Variants in HDAC9 observed in about 807,000 individuals in gnomAD.
HDAC9 encodes the protein histone deacetylase 9.
HDAC9 carries 41 observed loss-of-function variants against 139.4 expected under a neutral mutation model. The ratio of observed to expected loss-of-function variants is 0.29; its 90% CI spans 0.23 to 0.38. The LOEUF (loss-of-function observed/expected upper bound fraction) is 0.38. Ranked by LOEUF, HDAC9 falls within the 10% of genes least tolerant of loss-of-function variation. The pLI is 1.00. For missense variants in HDAC9, 1,147 were observed against 1,297.0 expected (o/e 0.88, Z 1.78); for synonymous variants, 517 against 476.2 (o/e 1.09, Z -1.12).
intron 1 of HDAC9, among the ~76,000 whole-genome samples, chr7:18,383,408 G>A (rs1282762409): frequency 3.3e-5 from 5 of 152,172 alleles, no homozygotes; most frequent in Admixed American, 6.5e-5. Context: ...AAGTTGGCAC[G>A]TGGATTAAAA....
chr7:18,176,280 T>G (rs1216725065), intron 2 of HDAC9, among the ~76,000 whole-genome samples: 1 of 152,204 alleles, frequency 6.6e-6, no homozygotes, highest in Admixed American at 6.5e-5. Flanking sequence ...CTCCAGTGCT[T>G]TCTGAAGATC....
intron 6 of HDAC9, among the ~76,000 whole-genome samples, chr7:18,608,320 T>A (rs1324519651): frequency 1.3e-5 from 2 of 152,126 alleles, no homozygotes. Context: ...TTAAGAACCA[T>A]GTTATTATTA....
chr7:18,574,896 G>T (rs2520456), intron 2 of HDAC9, among the ~76,000 whole-genome samples: 35,057 of 152,214 alleles, frequency 0.23, 4,971 homozygotes, highest in Non-Finnish European at 0.31. Context: ...GTCCCCGACT[G>T]TGCGCAGGGA....
chr7:18,594,757 C>T (rs1831995984), intron 6 of HDAC9, among the ~76,000 whole-genome samples: 1 of 151,986 alleles, frequency 6.6e-6, no homozygotes, highest in Non-Finnish European at 1.5e-5. Flanking sequence ...ACTAGATATA[C>T]ATATAAATAG....
At chr7:18,540,135 T>C (rs1167843198) in intron 2 of HDAC9, among the ~76,000 whole-genome samples, 1 of 147,356 alleles carries the variant, frequency 6.8e-6, no homozygotes, top group African/African-American at 2.5e-5. Context: ...TAGCCAGGAA[T>C]TGTGGTGGGT....
chr7:18,463,697 T>A (rs1586086926), intron 1 of HDAC9, among the ~76,000 whole-genome samples: 1 of 151,920 alleles, frequency 6.6e-6, no homozygotes, highest in South Asian at 2.1e-4. Flanking sequence ...TGGTTGCTTA[T>A]TGATTTTGTT....
At chr7:18,360,889 T>G (rs1490220356) in intron 1 of HDAC9, among the ~76,000 whole-genome samples, 1 of 152,198 alleles carries the variant, frequency 6.6e-6, no homozygotes, top group Non-Finnish European at 1.5e-5. Flanking sequence ...GATCAATGGG[T>G]AAATTAATTA....
Position 18,919,736 on chromosome 7 carries a change from CTTG to C in HDAC9, c.2804-16069_2804-16067del, listed in dbSNP as rs1478331714. ...AATAACAATGTATACTATTATTTAT[CTTG>C]TTGATAAGCAAATCAAAATCTGACT... On this transcript the variant is annotated intron_variant, in intron 22 of 25. Coordinates refer to ENST00000686413, the MANE Select transcript of HDAC9 (RefSeq NM_178425.4). 2.0e-5 allele frequency among the ~76,000 whole-genome samples: 3 copies of C among 151,972 alleles called. No individual in the cohort carries two copies. The East Asian group carries it at 5.8e-4, about 29-fold the overall frequency.
rs115977181 is a variant in HDAC9 at position 18,297,902 on chromosome 7, A to C, written c.-42+7387A>C. ...AAAATGTTCTATGCTTTTTAGCCTT[A>C]ATGACGTTCCATCCTGCCTAAGGCC... On this transcript the variant is annotated intron_variant, in intron 1 of 3. Transcript: ENST00000413509. Among the ~76,000 whole-genome samples the C allele has an allele frequency of 6.5e-3, 988 of 152,246 alleles. 11 individuals carry two copies. Among genetic ancestry groups the C allele is most frequent in the African/African-American group, 0.022 (929 of 41,544 alleles).
At chr7:18,949,153 C>T in intron 23 of HDAC9, 1 of 272,162 alleles carries the variant, frequency 3.7e-6, no homozygotes, top group Non-Finnish European at 7.1e-6. Flanking sequence ...GAGTCTTTTT[C>T]AGTCTGGTTT....
chr7:18,563,701 C>T (rs533464024), intron 2 of HDAC9, among the ~76,000 whole-genome samples: 66 of 151,348 alleles, frequency 4.4e-4, no homozygotes, highest in African/African-American at 1.6e-3. Flanking sequence ...GTTTTCTTGC[C>T]ATCAATTCCC....
intron 21 of HDAC9, among the ~76,000 whole-genome samples, chr7:18,844,326 A>G (rs1796775830): frequency 6.6e-6 from 1 of 152,156 alleles, no homozygotes; most frequent in Non-Finnish European, 1.5e-5. Flanking sequence ...ACTTACCAAA[A>G]TGGCATTTGT....
At chr7:18,453,923 G>T (rs1218459887) in intron 1 of HDAC9, among the ~76,000 whole-genome samples, 3 of 152,018 alleles carry the variant, frequency 2.0e-5, no homozygotes, top group South Asian at 4.1e-4. Context: ...TGAATAAATG[G>T]GGAAATTGTT....
chr7:18,228,547 C>G (rs1327430080), intron 2 of HDAC9, among the ~76,000 whole-genome samples: 1 of 152,140 alleles, frequency 6.6e-6, no homozygotes, highest in African/African-American at 2.4e-5. Flanking sequence ...GTCTAGAAAG[C>G]TCATCCAGGC....
In HDAC9 at chr7:18,732,763, A is replaced by T. The variant is rs185328429; in HGVS notation, c.1909+5006A>T. 7.4e-3 allele frequency among the ~76,000 whole-genome samples: 515 copies of T among 69,966 alleles called. 71 individuals are homozygous for T. Among genetic ancestry groups the T allele is most frequent in the East Asian group, 0.015 (22 of 1,476 alleles). 45.9% of individuals were successfully genotyped at this position (69,966 alleles called of 152,430 possible). A position where few individuals can be genotyped will look rare whatever the true frequency, so the allele number is the denominator to read the frequency against. On this transcript the variant is annotated intron_variant, in intron 13 of 25. Transcript: ENST00000686413. The stretch of plus-strand genomic sequence containing the variant: ...TGTGCGTATGTGTACACACACGTGT[A>T]TGTGTGCGTATGTGTACACACACGT...
intron 17 of HDAC9, among the ~76,000 whole-genome samples, chr7:18,827,599 A>T (rs1160556519): frequency 6.6e-6 from 1 of 152,086 alleles, no homozygotes; most frequent in Non-Finnish European, 1.5e-5. Flanking sequence ...ATTAAGTTGA[A>T]TTTTTTAATA....
At chr7:18,127,192 C>T (rs1720993961) in intron 1 of HDAC9, 1 of 168,378 alleles carries the variant, frequency 5.9e-6, no homozygotes, top group African/African-American at 2.4e-5. Context: ...AAATATAGGA[C>T]ACCTAGTAAT....
intron 21 of HDAC9, among the ~76,000 whole-genome samples, chr7:18,871,078 T>G (rs1231670626): frequency 6.6e-6 from 1 of 152,212 alleles, no homozygotes. Context: ...GATATTTTTC[T>G]GTAAGAAAGA....
intron 24 of HDAC9, among the ~76,000 whole-genome samples, chr7:18,967,224 A>C (rs887260992): frequency 1.3e-5 from 2 of 152,230 alleles, no homozygotes; most frequent in Non-Finnish European, 2.9e-5. Context: ...CAGAGGGTGC[A>C]TTTATGTAAC....
Sources: allele counts gnomAD v4.1 joint callset (sites outside exome capture counted in the v4.1 genomes callset), GRCh38; gene constraint gnomAD v4.1.1; transcripts MANE v1.5; gene names NCBI Gene and HGNC (gene_info 2026-07-23, HGNC 2026-07-21).